The following MEAK7 variants were observed in gnomAD, a reference collection of about 807,000 sequenced individuals.
MEAK7 encodes MTOR-associated protein MEAK7.
In MEAK7, 68 loss-of-function variants were observed where a neutral mutation model predicts 40.5. The observed-to-expected ratio is 1.68, with a 90% confidence interval of 1.38 to 2.06. The LOEUF is 2.06. Among genes scored for constraint, MEAK7 ranks in the 30% most tolerant of loss-of-function variants. The probability of loss-of-function intolerance (pLI) is 0.00; values close to 1 mark genes in which losing one functional copy is unlikely to be tolerated. For synonymous variants in MEAK7, 338 were observed against 231.9 expected, an observed-to-expected ratio of 1.46 and a Z score of -4.16; for missense variants, 918 against 580.5, an observed-to-expected ratio of 1.58 and a Z score of -5.98.
At chr16:84,490,108 G>A (rs1294869653) in intron 3 of MEAK7, among the ~76,000 whole-genome samples, 8 of 152,190 alleles carry the variant, frequency 5.3e-5, no homozygotes, top group African/African-American at 1.9e-4. Flanking sequence ...CAAACTGTGT[G>A]AGCGTGTGTT....
intron 1 of MEAK7, chr16:84,504,174 A>G: frequency 1.0e-6 from 1 of 985,480 alleles, no homozygotes; most frequent in African/African-American, 1.7e-5. Flanking sequence ...GGGTGTGGTC[A>G]GAATACAAGA....
At chr16:84,491,566 C>T (rs1350442753) in intron 3 of MEAK7, among the ~76,000 whole-genome samples, 4 of 135,488 alleles carry the variant, frequency 3.0e-5, no homozygotes, top group East Asian at 2.3e-4. Flanking sequence ...CGTCTGGGCA[C>T]GGTGACTCAC....
chr16:84,489,424 T>G lies in MEAK7; in HGVS notation c.385-2A>C. On this transcript the variant is annotated splice_acceptor_variant, in intron 3 of 7. Transcript: ENST00000343629. LOFTEE classifies it high-confidence loss of function. The stretch of plus-strand genomic sequence containing the variant: ...AGAGCCAACCAGATCCTCTGTAAAC[T>G]GTAAGATCACAATTTTACCATTAAA... 6.2e-7 allele frequency: 1 copy of G among 1,605,494 alleles called. No homozygotes were observed. Among genetic ancestry groups the G allele is most frequent in the Non-Finnish European group, 8.5e-7 (1 of 1,175,060 alleles).
In MEAK7 at chr16:84,498,029, C is replaced by T. The variant is rs140140579; in HGVS notation, c.58G>A (p.Glu20Lys). 63 of 1,614,194 alleles carry T rather than the reference C, an allele frequency of 3.9e-5. No individual in the cohort carries two copies. The African/African-American group carries it at 8.1e-4, about 21-fold the overall frequency. Residue 20 changes from glutamate (E) to lysine (K), a missense_variant, in exon 2 of 8, where the codon GAA (glutamate) becomes AAA (lysine). Transcript: ENST00000343629. ...AACAATTGATCAATCTCTGCCTGTTCCTCAGGAAGAAACTGTGAACAAAAG... is the reference window on the plus strand; with the variant it reads ...AACAATTGATCAATCTCTGCCTGTTTCTCAGGAAGAAACTGTGAACAAAAG... ...RSFCSQFLPEEQAEIDQLFDA... is the reference protein window; with the variant it reads ...RSFCSQFLPEKQAEIDQLFDA...
rs1455273674 is a variant in MEAK7, at chr16:84,479,616, A to G, written c.*297T>C. 2 of 274,132 alleles carry G rather than the reference A, an allele frequency of 7.3e-6. No individual in the cohort carries two copies. Among genetic ancestry groups the G allele is most frequent in the African/African-American group, 2.2e-5 (1 of 45,774 alleles). 17.0% of individuals were successfully genotyped at this position (274,132 alleles called of 1,614,324 possible). ...AGCTGCTTAGGATTTCGTTGGTAAAAAAGAACAAAGTATAAGACTGAGTTA... is the reference window on the plus strand; with the variant it reads ...AGCTGCTTAGGATTTCGTTGGTAAAGAAGAACAAAGTATAAGACTGAGTTA... On this transcript the variant is annotated 3_prime_UTR_variant, in exon 8 of 8. Transcript: ENST00000343629.
At chr16:84,491,839 A>C (rs931882024) in intron 3 of MEAK7, among the ~76,000 whole-genome samples, 1 of 150,226 alleles carries the variant, frequency 6.7e-6, no homozygotes, top group East Asian at 1.9e-4. Flanking sequence ...TCCGTCTCAA[A>C]AAAAAAAAAA....
At chr16:84,491,028 A>G (rs1263746708) in intron 3 of MEAK7, among the ~76,000 whole-genome samples, 2 of 152,360 alleles carry the variant, frequency 1.3e-5, no homozygotes, top group African/African-American at 4.8e-5. Context: ...TTATTACTAC[A>G]CAGCTACTCT....
intron 3 of MEAK7, among the ~76,000 whole-genome samples, chr16:84,491,663 C>G (rs569633096): frequency 7.9e-5 from 12 of 150,956 alleles, no homozygotes; most frequent in Non-Finnish European, 1.5e-4. Flanking sequence ...ATGGTGAAAC[C>G]CCATCTCTAC....
rs981340970 is a variant in MEAK7 at position 84,478,420 on chromosome 16, G to A, written c.*1493C>T. The A allele has an allele frequency of 6.6e-6, 1 of 152,228 alleles. No homozygotes were observed. Among genetic ancestry groups the A allele is most frequent in the Non-Finnish European group, 1.5e-5 (1 of 68,052 alleles). 9.4% of individuals were successfully genotyped at this position (152,228 alleles called of 1,614,324 possible). Reference sequence around the variant, plus strand: ...TTTGATGAACCTCCCAGTAGAAAATGCAAGGCCTGCAAAAATGCGAACAGC... The same window carrying A: ...TTTGATGAACCTCCCAGTAGAAAATACAAGGCCTGCAAAAATGCGAACAGC... On this transcript the variant is annotated 3_prime_UTR_variant, in exon 8 of 8. Transcript: ENST00000343629.
In MEAK7 at chr16:84,482,650, C is replaced by G; in HGVS notation, c.1019G>C (p.Gly340Ala). The change falls in exon 6 of 8, where the codon GGC becomes GCC. Residue 340 changes from glycine to alanine, a missense_variant. Physicochemically the swap from Gly to Ala is moderately conservative, Grantham distance 60 (BLOSUM62 0). Coordinates refer to ENST00000343629, the MANE Select transcript of MEAK7 (RefSeq NM_020947.4). ...CAAGTACATGTAGTGGTCGTTGTAG[C>G]CCGTGTGTGTGTACACAGCCATGCT... is the stretch of plus-strand genomic sequence containing the variant. ...CPSMAVYTHT[G>A]YNDHYMYLNH... The G allele has an allele frequency of 3.7e-6, 6 of 1,614,234 alleles. No homozygotes were observed. The highest frequency in any genetic ancestry group is 5.1e-6 in the Non-Finnish European group (6 of 1,180,042).
chr16:84,490,159 T>C (rs779172244), intron 3 of MEAK7, among the ~76,000 whole-genome samples: 5 of 152,196 alleles, frequency 3.3e-5, no homozygotes, highest in South Asian at 2.1e-4. Flanking sequence ...TCTGTTTTTA[T>C]TGTTTCAGTC....
At chr16:84,497,237 G>A (rs1196716156) in intron 2 of MEAK7, 7 of 368,790 alleles carry the variant, frequency 1.9e-5, no homozygotes, top group African/African-American at 4.3e-5. Context: ...ATGAGCTGAC[G>A]GCATCTCCTT....
chr16:84,494,552 T>C (rs960435358), intron 3 of MEAK7, among the ~76,000 whole-genome samples: 4 of 152,236 alleles, frequency 2.6e-5, no homozygotes, highest in African/African-American at 9.6e-5. Flanking sequence ...GACCTATTTA[T>C]ATACAGAACC....
intron 1 of MEAK7, chr16:84,504,261 C>T: frequency 1.6e-6 from 1 of 624,866 alleles, no homozygotes; most frequent in African/African-American, 2.0e-5. Flanking sequence ...TCCCTTTCCG[C>T]GTCTACACAG....
chr16:84,493,473 C>G (rs1421634267), intron 3 of MEAK7, among the ~76,000 whole-genome samples: 1 of 152,142 alleles, frequency 6.6e-6, no homozygotes, highest in Admixed American at 6.6e-5. Context: ...TTGCGTGGAC[C>G]GAACTAACAG....
chr16:84,504,118 T>C, intron 1 of MEAK7: 1 of 985,486 alleles, frequency 1.0e-6, no homozygotes, highest in Non-Finnish European at 1.2e-6. Context: ...GCCACCTACA[T>C]GGCCTGGGAA....
rs550569101 is a variant in MEAK7 at position 84,497,433 on chromosome 16, A to C, written c.153+501T>G. 32 of 1,288,896 alleles carry C rather than the reference A, an allele frequency of 2.5e-5. No homozygotes were observed. In the African/African-American group the frequency reaches 4.7e-4, roughly 19 times the overall value. The allele number at this position is 1,288,896 out of a possible 1,614,324, so 79.8% of individuals were successfully genotyped here. ...CAAACACATACACATTCTAGAGGCA[A>C]CGGTGCACCTGACACGTCATGGTTC... is the stretch of plus-strand genomic sequence containing the variant. On this transcript the variant is annotated intron_variant, in intron 2 of 7. Transcript: ENST00000343629.
chr16:84,486,671 C>T lies in MEAK7; in HGVS notation c.918G>A (p.Gly306=), dbSNP rs766337758. Residue 306 remains glycine (G), a synonymous_variant, in exon 5 of 8, where the codon GGG becomes GGA. Coordinates refer to ENST00000343629, the MANE Select transcript of MEAK7 (RefSeq NM_020947.4). ...TCACCTCCCAAGAGCAAGAGGCAAA[C>T]CCACCGAACACATGCTTGTCATGGT... The part of the protein sequence containing the change: ...LEDHDKHVFG[G]FASCSWEVKP... The T allele has an allele frequency of 1.2e-6, 2 of 1,613,286 alleles. No homozygotes were observed. The highest frequency in any genetic ancestry group is 1.1e-5 in the South Asian group (1 of 90,946).
chr16:84,493,206 G>C (rs986592216), intron 3 of MEAK7, among the ~76,000 whole-genome samples: 1 of 152,198 alleles, frequency 6.6e-6, no homozygotes, highest in Non-Finnish European at 1.5e-5. Context: ...TGCCAGAGAA[G>C]TACCCAAATT....
Sources: allele counts gnomAD v4.1 joint callset (sites outside exome capture counted in the v4.1 genomes callset), GRCh38; gene constraint gnomAD v4.1.1; transcripts MANE v1.5; gene names NCBI Gene and HGNC (gene_info 2026-07-23, HGNC 2026-07-21).